Variants in KPNA6 observed in about 807,000 individuals in gnomAD.
KPNA6 encodes importin subunit alpha-7.
Under a neutral mutation model 72.0 loss-of-function variants are expected in KPNA6, and 9 were observed. That is an observed-to-expected ratio of 0.13 (90% CI 0.08 to 0.22). The LOEUF (loss-of-function observed/expected upper bound fraction) is 0.22. Among genes scored for constraint, KPNA6 ranks in the 10% least tolerant of loss-of-function variants. The probability of loss-of-function intolerance (pLI) is 1.00; values close to 1 mark genes in which losing one functional copy is unlikely to be tolerated. For synonymous variants in KPNA6, 219 were observed against 242.1 expected (o/e 0.90, Z 0.89); for missense variants, 374 against 655.7 (o/e 0.57, Z 4.69).
chr1:32,116,624 C>T (rs990042804), intron 1 of KPNA6, among the ~76,000 whole-genome samples: 1 of 152,126 alleles, frequency 6.6e-6, no homozygotes, highest in African/African-American at 2.4e-5. Context: ...CACCATTACA[C>T]TCCAGACTTG....
Position 32,170,696 on chromosome 1 carries a change from T to C in KPNA6, c.1424-11T>C. 1 of 1,610,326 alleles carries C rather than the reference T, an allele frequency of 6.2e-7. No individual in the cohort carries two copies. Among genetic ancestry groups the C allele is most frequent in the Middle Eastern group, 1.7e-4 (1 of 6,054 alleles). On this transcript the variant is annotated splice_polypyrimidine_tract_variant and intron_variant, in intron 13 of 13. Transcript: ENST00000373625. ...CTCACACTTCCCTCTCCTTCCTTCT[T>C]ACTACTGTAGGCTTGGATAAAATTG...
intron 6 of KPNA6, 38 bp from the exon 7 acceptor site, chr1:32,160,577 A>C: frequency 6.5e-7 from 1 of 1,548,992 alleles, no homozygotes; most frequent in East Asian, 2.2e-5. Context: ...CAGGAGTACC[A>C]AGCTTTGTGG....
At chr1:32,142,327 C>T (rs1641854332) in intron 1 of KPNA6, among the ~76,000 whole-genome samples, 1 of 147,750 alleles carries the variant, frequency 6.8e-6, no homozygotes, top group South Asian at 2.2e-4. Context: ...TTGTTGGCTT[C>T]TATATAGCTG....
intron 9 of KPNA6, among the ~76,000 whole-genome samples, chr1:32,162,805 A>T (rs1034711390): frequency 1.3e-5 from 2 of 151,830 alleles, no homozygotes; most frequent in South Asian, 4.2e-4. Flanking sequence ...ATTGCACTCC[A>T]GCCTGGGTGA....
chr1:32,158,690 C>G (rs1055204683), intron 5 of KPNA6, among the ~76,000 whole-genome samples: 1 of 152,084 alleles, frequency 6.6e-6, no homozygotes, highest in Non-Finnish European at 1.5e-5. Context: ...TCCCCCACTA[C>G]TGGGAAGGGG....
chr1:32,156,677 A>G (rs552434259), intron 2 of KPNA6, among the ~76,000 whole-genome samples, 176 bp from the exon 3 acceptor site: 1 of 152,244 alleles, frequency 6.6e-6, no homozygotes. Context: ...GGTTGACTGG[A>G]TAACTAAAAT....
At chr1:32,126,677 A>G (rs192621850) in intron 1 of KPNA6, among the ~76,000 whole-genome samples, 5 of 152,216 alleles carry the variant, frequency 3.3e-5, no homozygotes, top group Admixed American at 3.3e-4. Context: ...GAGTCACTGC[A>G]TCTGAACAGT....
Position 32,118,186 on chromosome 1 carries a change from A to G in KPNA6, c.4+10052A>G, listed in dbSNP as rs148382151. On this transcript the variant is annotated intron_variant, in intron 1 of 13. Transcript: ENST00000373625. ...TGATCCTCCCGCCTCAGCCTCCCAA[A>G]GTGCTGAGATTATAGACGTGAGCCA... 1.8e-3 allele frequency among the ~76,000 whole-genome samples: 278 copies of G among 152,160 alleles called. 1 individual carries two copies. The Middle Eastern group carries it at 0.02, about 11-fold the overall frequency.
chr1:32,151,717 T>C (rs1425473296), intron 1 of KPNA6, among the ~76,000 whole-genome samples: 2 of 152,132 alleles, frequency 1.3e-5, no homozygotes, highest in East Asian at 1.9e-4. Context: ...CAATTCTGCA[T>C]TGCTGTTGCC....
intron 9 of KPNA6, 99 bp from the exon 10 acceptor site, chr1:32,163,136 C>A: frequency 1.3e-6 from 1 of 743,320 alleles, no homozygotes. Context: ...AAAAAGGGTA[C>A]AGGTTCCTTA....
intron 2 of KPNA6, among the ~76,000 whole-genome samples, chr1:32,155,001 C>T (rs1241446209): frequency 6.7e-5 from 10 of 149,058 alleles, no homozygotes; most frequent in Non-Finnish European, 1.3e-4. Flanking sequence ...ATCTCAGCTA[C>T]TTGGGAGGCT....
intron 1 of KPNA6, among the ~76,000 whole-genome samples, chr1:32,149,954 ATTC>A (rs1460489109): frequency 6.6e-6 from 1 of 152,022 alleles, no homozygotes; most frequent in African/African-American, 2.4e-5. Flanking sequence ...AAGCTAGGCC[ATTC>A]TTATCTTTGG....
At position 32,167,262 on chromosome 1, in the gene KPNA6, A is replaced by G; in HGVS notation, c.1210A>G (p.Asn404Asp). 6.2e-7 allele frequency: 1 copy of G among 1,614,112 alleles called. No individual in the cohort carries two copies. Among genetic ancestry groups the G allele is most frequent in the Non-Finnish European group, 8.5e-7 (1 of 1,179,998 alleles). ...TRKEAAWAIT[N>D]ATSGGTPEQI... ...GAAAGAGGCAGCCTGGGCCATCACC[A>G]ATGCCACATCAGGAGGAACCCCTGA... The change falls in exon 12 of 14, where the codon AAT becomes GAT. Residue 404 changes from asparagine (N) to aspartate (D), a missense_variant. Asn to Asp is a conservative substitution (Grantham distance 23). This residue lies in a region of KPNA6 where 298 missense variants were observed against 495.4 expected (regional missense o/e 0.60). Coordinates refer to ENST00000373625, the MANE Select transcript of KPNA6 (RefSeq NM_012316.5).
In KPNA6 at chr1:32,116,824, C is replaced by T. The variant is rs148835782; in HGVS notation, c.4+8690C>T. On this transcript the variant is annotated intron_variant, in intron 1 of 13. Coordinates refer to ENST00000373625, the MANE Select transcript of KPNA6 (RefSeq NM_012316.5). Reference sequence around the variant, plus strand: ...CCCTTTCACTTGAACAAATAGAGGCCATTGTAGGGTTATTAATTAGCCTCA... The same window carrying T: ...CCCTTTCACTTGAACAAATAGAGGCTATTGTAGGGTTATTAATTAGCCTCA... Among the ~76,000 whole-genome samples the T allele has an allele frequency of 2.8e-3, 428 of 152,094 alleles. 2 individuals carry two copies. Among genetic ancestry groups the T allele is most frequent in the Middle Eastern group, 0.02 (6 of 294 alleles).
rs560227280 is a variant in KPNA6 at position 32,108,319 on chromosome 1, A to G, written c.4+185A>G. ...GGGCCGAGCTAGGGCCCGTGCTGGA[A>G]GCAGTCCTTTGGTGCTGGTTTCGGG... On this transcript the variant is annotated intron_variant, in intron 1 of 13. Coordinates refer to ENST00000373625, the MANE Select transcript of KPNA6 (RefSeq NM_012316.5). 1.6e-3 allele frequency among the ~76,000 whole-genome samples: 238 copies of G among 152,334 alleles called. 1 individual carries two copies. The highest frequency in any genetic ancestry group is 5.4e-3 in the African/African-American group (223 of 41,586).
intron 1 of KPNA6, among the ~76,000 whole-genome samples, chr1:32,143,514 A>G (rs894009758): frequency 6.6e-6 from 1 of 150,992 alleles, no homozygotes; most frequent in African/African-American, 2.4e-5. Context: ...TGGAGGTTGC[A>G]GTGAGCCAAG....
rs747593439 is a variant in KPNA6, at chr1:32,108,101, C to A, written c.-30C>A. 3 of 1,613,856 alleles carry A rather than the reference C, an allele frequency of 1.9e-6. No homozygotes were observed. The highest frequency in any genetic ancestry group is 3.3e-5 in the Admixed American group (2 of 60,000). On this transcript the variant is annotated 5_prime_UTR_variant, in exon 1 of 14. Coordinates refer to ENST00000373625, the MANE Select transcript of KPNA6 (RefSeq NM_012316.5). The stretch of plus-strand genomic sequence containing the variant: ...CCGCTGAAGCTGCCGCCGTTGCCTC[C>A]GCCGCCAAGAGTGAGCGAGCGGACC...
chr1:32,160,868 A>T (rs1007998300), intron 7 of KPNA6, among the ~76,000 whole-genome samples, 165 bp downstream of exon 7: 1 of 152,192 alleles, frequency 6.6e-6, no homozygotes. Flanking sequence ...GAGATTGAGA[A>T]GGTTGTGGCC....
rs1406717433 is a variant in KPNA6 at position 32,169,874 on chromosome 1, G to A, written c.1245-8G>A. The A allele has an allele frequency of 2.5e-6, 4 of 1,612,424 alleles. No individual in the cohort carries two copies. Among genetic ancestry groups the A allele is most frequent in the Non-Finnish European group, 2.5e-6 (3 of 1,178,948 alleles). ...TAGTTTAGCACTTGCCTGGTCTCTG[G>A]CCCCTAGGTACCTGGTCTCACTGGG... On this transcript the variant is annotated splice_polypyrimidine_tract_variant and splice_region_variant and intron_variant, in intron 12 of 13. Coordinates refer to ENST00000373625, the MANE Select transcript of KPNA6 (RefSeq NM_012316.5).
Sources: allele counts gnomAD v4.1 joint callset (sites outside exome capture counted in the v4.1 genomes callset), GRCh38; gene constraint gnomAD v4.1.1; regional missense constraint gnomAD v4.1.1; transcripts MANE v1.5; gene names NCBI Gene and HGNC (gene_info 2026-07-23, HGNC 2026-07-21).